The following DLGAP4 variants were observed in gnomAD, a reference collection of about 807,000 sequenced individuals.
DLGAP4 encodes the protein DLG associated protein 4.
A neutral mutation model predicts 86.9 loss-of-function variants in DLGAP4; 18 were observed. The ratio of observed to expected loss-of-function variants is 0.21; its 90% CI spans 0.14 to 0.31. DLGAP4 has a LOEUF of 0.31. Among genes scored for constraint, DLGAP4 ranks in the 10% least tolerant of loss-of-function variants. DLGAP4 has a pLI of 1.00. For missense variants in DLGAP4, 1,085 were observed against 1,362.6 expected (o/e 0.80, Z 3.21); for synonymous variants, 548 against 574.3 (o/e 0.95, Z 0.65).
intron 7 of DLGAP4, chr20:36,461,758 CG>C: frequency 1.6e-6 from 1 of 618,332 alleles, no homozygotes; most frequent in Non-Finnish European, 2.0e-6. Flanking sequence ...TCCGCCCGCC[CG>C]CCCGCCCGCC....
chr20:36,513,344 C>T (rs1221832736), intron 10 of DLGAP4, among the ~76,000 whole-genome samples: 2 of 149,498 alleles, frequency 1.3e-5, no homozygotes, highest in African/African-American at 2.5e-5. Flanking sequence ...GTCAGGAGAT[C>T]GAGACCATCC....
intron 1 of DLGAP4, among the ~76,000 whole-genome samples, chr20:36,328,488 TTAAA>T (rs1569457343): frequency 6.6e-6 from 1 of 151,932 alleles, no homozygotes; most frequent in East Asian, 1.9e-4. Flanking sequence ...TTTTTTTTTT[TTAAA>T]TAAAGTCCAG....
rs35876821 is a variant in DLGAP4, at chr20:36,528,446, A to AC, written c.*1424dup. On this transcript the variant is annotated 3_prime_UTR_variant, in exon 13 of 13. Coordinates refer to ENST00000339266, the MANE Select transcript of DLGAP4 (RefSeq NM_001365621.2). ...TGGCTGGCGCTTGCTGCAGGGGGGG[A>AC]CCCCCCCCCGTCCCCAGGTGAACCA... 0.22 allele frequency: 31,307 copies of AC among 141,028 alleles called. 5,633 individuals carry two copies. The highest frequency in any genetic ancestry group is 0.51 in the African/African-American group (18,973 of 37,150). 8.7% of individuals were successfully genotyped at this position (141,028 alleles called of 1,614,324 possible).
chr20:36,462,422 T>C lies in DLGAP4; in HGVS notation c.1648+15485T>C, dbSNP rs562652538. The C allele has an allele frequency of 1.7e-5, 26 of 1,501,848 alleles. No homozygotes were observed. In the African/African-American group the frequency reaches 2.8e-4, roughly 16 times the overall value. 93.0% of individuals were successfully genotyped at this position (1,501,848 alleles called of 1,614,324 possible). A position where few individuals can be genotyped will look rare whatever the true frequency, so the allele number is the denominator to read the frequency against. ...GCCTCTTGCGCTGAAGGCCCCCCTTTGAGCCTGCTTCTTTGCCTGGGGCCC... is the reference window on the plus strand; with the variant it reads ...GCCTCTTGCGCTGAAGGCCCCCCTTCGAGCCTGCTTCTTTGCCTGGGGCCC... On this transcript the variant is annotated intron_variant, in intron 7 of 12. Coordinates refer to ENST00000339266, the MANE Select transcript of DLGAP4 (RefSeq NM_001365621.2).
At chr20:36,394,165 C>T (rs530716844) in intron 2 of DLGAP4, among the ~76,000 whole-genome samples, 58 of 152,334 alleles carry the variant, frequency 3.8e-4, no homozygotes, top group Non-Finnish European at 7.2e-4. Context: ...TAGGTCAGAC[C>T]TCACTTTGTC....
intron 2 of DLGAP4, among the ~76,000 whole-genome samples, chr20:36,386,684 A>T (rs887754277): frequency 6.6e-6 from 1 of 152,070 alleles, no homozygotes; most frequent in African/African-American, 2.4e-5. Flanking sequence ...TCCCAGGCTC[A>T]AGTGATCCTC....
chr20:36,507,428 A>C (rs2036441464), intron 10 of DLGAP4, among the ~76,000 whole-genome samples: 1 of 152,164 alleles, frequency 6.6e-6, no homozygotes, highest in Non-Finnish European at 1.5e-5. Context: ...GGGTTTCACC[A>C]TGTTGGCCAG....
chr20:36,462,382 G>T, intron 7 of DLGAP4: 1 of 1,392,632 alleles, frequency 7.2e-7, no homozygotes. Context: ...TGTCTCGGTG[G>T]TCTCGCCACT....
chr20:36,457,028 T>C (rs1277720299), intron 7 of DLGAP4, among the ~76,000 whole-genome samples: 1 of 152,196 alleles, frequency 6.6e-6, no homozygotes, highest in Non-Finnish European at 1.5e-5. Flanking sequence ...TGGAAATCCT[T>C]GCCTTCATGG....
intron 1 of DLGAP4, among the ~76,000 whole-genome samples, chr20:36,318,867 C>T (rs2065138020): frequency 6.6e-6 from 1 of 152,158 alleles, no homozygotes; most frequent in Admixed American, 6.5e-5. Flanking sequence ...AAACTGAAGG[C>T]AGGCGCGGTG....
Position 36,500,625 on chromosome 20 carries a change from G to C in DLGAP4, c.2512+14G>C. ...TCTCTGAAGAAGGTGGGTGCCACATGGATGGTCCTTGGGCAAGGGTAGAAG... is the reference window on the plus strand; with the variant it reads ...TCTCTGAAGAAGGTGGGTGCCACATCGATGGTCCTTGGGCAAGGGTAGAAG... On this transcript the variant is annotated intron_variant, in intron 10 of 12. Transcript: ENST00000339266. This position sits in a 1 kb window ranked among gnomAD's most constrained non-coding sequence, Gnocchi z 4.6. 1 of 1,480,972 alleles carries C rather than the reference G, an allele frequency of 6.8e-7. No individual in the cohort carries two copies. Among genetic ancestry groups the C allele is most frequent in the South Asian group, 1.5e-5 (1 of 68,368 alleles). 91.7% of individuals were successfully genotyped at this position (1,480,972 alleles called of 1,614,324 possible). A position where few individuals can be genotyped will look rare whatever the true frequency, so the allele number is the denominator to read the frequency against.
intron 2 of DLGAP4, among the ~76,000 whole-genome samples, chr20:36,426,051 A>G (rs1283517659): frequency 6.6e-6 from 1 of 152,246 alleles, no homozygotes. Flanking sequence ...AATATGATGC[A>G]GCCATAAAAC....
At chr20:36,461,972 C>T in intron 7 of DLGAP4, 1 of 985,052 alleles carries the variant, frequency 1.0e-6, no homozygotes, top group Non-Finnish European at 1.2e-6. Flanking sequence ...CTCTTCGGGA[C>T]TCCCCCTCAG....
chr20:36,526,937 C>A lies in DLGAP4; in HGVS notation c.2885C>A (p.Ala962Glu). ...QRQEARKRLL[A>E]AKRAASVRQN... ...CAGGAGGCCCGCAAGAGACTCCTGG[C>A]GGCCAAGCGGGCAGCTTCTGTGCGG... The change falls in exon 13 of 13, where the codon GCG becomes GAG. Residue 962 changes from alanine (A) to glutamate (E), a missense_variant. By Grantham distance (107) the Ala-to-Glu change is moderately radical. Around this residue, in one of 2 missense-constraint regions of DLGAP4, gnomAD observed 1,082 missense variants for 1,344.1 expected, o/e 0.81. Transcript: ENST00000339266. 1 of 1,613,720 alleles carries A rather than the reference C, an allele frequency of 6.2e-7. No individual in the cohort carries two copies. Among genetic ancestry groups the A allele is most frequent in the South Asian group, 1.1e-5 (1 of 91,038 alleles).
At chr20:36,517,420 C>A (rs962805195) in intron 10 of DLGAP4, among the ~76,000 whole-genome samples, 3 of 152,056 alleles carry the variant, frequency 2.0e-5, no homozygotes, top group Non-Finnish European at 4.4e-5. Flanking sequence ...GCATGTGCCA[C>A]CACACCCGGT....
At chr20:36,418,107 G>C (rs889208173) in intron 2 of DLGAP4, among the ~76,000 whole-genome samples, 1 of 148,892 alleles carries the variant, frequency 6.7e-6, no homozygotes, top group Non-Finnish European at 1.5e-5. Flanking sequence ...GTGTGTGTGC[G>C]CGCATATGTG....
intron 10 of DLGAP4, 146 bp from the exon 11 acceptor site, chr20:36,524,104 A>G (rs2037552416): frequency 1.4e-6 from 1 of 696,572 alleles, no homozygotes; most frequent in African/African-American, 1.8e-5. Context: ...AGAATGGATT[A>G]ATGTGTAGAT....
At chr20:36,319,084 A>G (rs1555890278) in intron 1 of DLGAP4, among the ~76,000 whole-genome samples, 2 of 151,902 alleles carry the variant, frequency 1.3e-5, no homozygotes, top group Admixed American at 1.3e-4. Context: ...TGGAGGTTGC[A>G]GCAAGTTGAG....
chr20:36,491,914 G>A (rs1162427687), intron 7 of DLGAP4, among the ~76,000 whole-genome samples: 1 of 152,212 alleles, frequency 6.6e-6, no homozygotes, highest in Non-Finnish European at 1.5e-5. Context: ...TCAGGACAGA[G>A]TTCCCTCAAT....
Sources: allele counts gnomAD v4.1 joint callset (sites outside exome capture counted in the v4.1 genomes callset), GRCh38; gene constraint gnomAD v4.1.1; regional missense constraint gnomAD v4.1.1; non-coding constraint Gnocchi (gnomAD v3.1); transcripts MANE v1.5; gene names NCBI Gene and HGNC (gene_info 2026-07-23, HGNC 2026-07-21).